The following EPHA6 variants were observed in gnomAD, a reference collection of about 807,000 sequenced individuals.
EPHA6 encodes EPH receptor A6.
Under a neutral mutation model 112.0 loss-of-function variants are expected in EPHA6, and 50 were observed. That is an observed-to-expected ratio of 0.45 (90% CI 0.36 to 0.56). The LOEUF (loss-of-function observed/expected upper bound fraction) is 0.56. EPHA6 is among the 20% of genes least tolerant of loss of function. The pLI, the probability that EPHA6 is intolerant of heterozygous loss-of-function variation, is 0.00. For synonymous variants in EPHA6, 529 were observed against 490.7 expected (o/e 1.08, Z -1.03); for missense variants, 1,280 against 1,417.4 (o/e 0.90, Z 1.56).
At chr3:96,954,143 G>C (rs2041664637) in intron 2 of EPHA6, among the ~76,000 whole-genome samples, 1 of 152,016 alleles carries the variant, frequency 6.6e-6, no homozygotes, top group Admixed American at 6.6e-5. Context: ...CAAAGTGCTG[G>C]GATTACGGGT....
At chr3:97,149,176 AG>A (rs747057291) in intron 3 of EPHA6, among the ~76,000 whole-genome samples, 10 of 152,232 alleles carry the variant, frequency 6.6e-5, no homozygotes, top group Middle Eastern at 3.4e-3. Context: ...AACTGTCACT[AG>A]GTTACAGTGC....
rs921921816 is a variant in EPHA6 at position 97,755,707 on chromosome 3, T to C, written c.*7006T>C. Among the ~76,000 whole-genome samples the C allele has an allele frequency of 1.3e-5, 2 of 152,150 alleles. No individual in the cohort carries two copies. The highest frequency in any genetic ancestry group is 6.5e-5 in the Admixed American group (1 of 15,282). ...AGGTATTAGTAACTGAGGATAGATATCTTTGTTTCATGAGTTCAATATGAG... is the reference window on the plus strand; with the variant it reads ...AGGTATTAGTAACTGAGGATAGATACCTTTGTTTCATGAGTTCAATATGAG... On this transcript the variant is annotated 3_prime_UTR_variant, in exon 18 of 18. Coordinates refer to ENST00000389672, the MANE Select transcript of EPHA6 (RefSeq NM_001080448.3).
chr3:97,411,845 T>G (rs1218889778), intron 6 of EPHA6, among the ~76,000 whole-genome samples: 1 of 152,078 alleles, frequency 6.6e-6, no homozygotes, highest in African/African-American at 2.4e-5. Context: ...GAAGTGTGAT[T>G]AAGCAAAGGG....
intron 11 of EPHA6, among the ~76,000 whole-genome samples, chr3:97,545,633 T>C (rs1290837275): frequency 6.6e-6 from 1 of 152,166 alleles, no homozygotes; most frequent in African/African-American, 2.4e-5. Context: ...TAACTTTCTG[T>C]CTCGTTTATC....
intron 7 of EPHA6, among the ~76,000 whole-genome samples, chr3:97,469,841 G>C (rs1205031437): frequency 6.6e-6 from 1 of 151,626 alleles, no homozygotes; most frequent in South Asian, 2.1e-4. Flanking sequence ...CTGTGGAAAG[G>C]CAACCTAATA....
intron 14 of EPHA6, among the ~76,000 whole-genome samples, chr3:97,642,701 T>C (rs576093165): frequency 0.013 from 1,985 of 151,460 alleles, 39 homozygotes; most frequent in African/African-American, 0.045. Flanking sequence ...CAATGGAAGA[T>C]GAAATGAATG....
chr3:97,521,052 C>CT (rs2092534378), intron 10 of EPHA6, among the ~76,000 whole-genome samples: 1 of 151,480 alleles, frequency 6.6e-6, no homozygotes, highest in Non-Finnish European at 1.5e-5. Context: ...CTGCTTGGTT[C>CT]TTTTTTTATA....
At chr3:97,744,649 G>A (rs1420205174) in intron 16 of EPHA6, among the ~76,000 whole-genome samples, 6 of 151,824 alleles carry the variant, frequency 4.0e-5, no homozygotes, top group Admixed American at 3.9e-4. Flanking sequence ...TTCAACAAGG[G>A]AAATAGGCTA....
At chr3:97,095,625 T>C (rs147884260) in intron 3 of EPHA6, among the ~76,000 whole-genome samples, 331 of 152,140 alleles carry the variant, frequency 2.2e-3, no homozygotes, top group African/African-American at 7.6e-3. Flanking sequence ...CCACATTTCC[T>C]ACCCTGCTTT....
intron 3 of EPHA6, among the ~76,000 whole-genome samples, chr3:97,040,463 TC>T (rs1396468959): frequency 6.6e-6 from 1 of 152,004 alleles, no homozygotes; most frequent in Non-Finnish European, 1.5e-5. Context: ...AGATAATAGA[TC>T]TTTATTAAGG....
chr3:97,315,670 C>G (rs974316425), intron 5 of EPHA6, among the ~76,000 whole-genome samples: 1 of 151,676 alleles, frequency 6.6e-6, no homozygotes, highest in Non-Finnish European at 1.5e-5. Flanking sequence ...GTGAAATTTT[C>G]TTATTGGTGT....
chr3:97,243,896 C>A, intron 4 of EPHA6, 56 bp from the exon 5 acceptor site: 1 of 1,293,864 alleles, frequency 7.7e-7, no homozygotes, highest in Non-Finnish European at 1.1e-6. Flanking sequence ...TTCATTTTAG[C>A]GCCATAATTC....
chr3:97,641,598 G>A (rs538983068), intron 14 of EPHA6, among the ~76,000 whole-genome samples: 1 of 152,256 alleles, frequency 6.6e-6, no homozygotes, highest in African/African-American at 2.4e-5. Flanking sequence ...CCATGCGCGA[G>A]CCGAAGCAGA....
intron 6 of EPHA6, among the ~76,000 whole-genome samples, chr3:97,419,035 T>G (rs2088373442): frequency 6.6e-6 from 1 of 152,198 alleles, no homozygotes; most frequent in Non-Finnish European, 1.5e-5. Flanking sequence ...CCAGGCACTG[T>G]GGCTCACGCC....
chr3:96,842,448 G>C (rs2034807446), intron 1 of EPHA6, among the ~76,000 whole-genome samples: 1 of 152,032 alleles, frequency 6.6e-6, no homozygotes, highest in African/African-American at 2.4e-5. Context: ...TTCCTCTCCA[G>C]ATTATATCCG....
chr3:97,117,029 A>G (rs1251663000), intron 3 of EPHA6, among the ~76,000 whole-genome samples: 1 of 151,696 alleles, frequency 6.6e-6, no homozygotes, highest in East Asian at 1.9e-4. Context: ...CCTTTTAACC[A>G]TATGAAGTAA....
chr3:97,589,082 G>A (rs1034640186), intron 11 of EPHA6, among the ~76,000 whole-genome samples: 1 of 152,008 alleles, frequency 6.6e-6, no homozygotes, highest in Non-Finnish European at 1.5e-5. Context: ...GGCCCAGGAT[G>A]GCTTTGAATG....
In EPHA6 at chr3:97,657,741, T is replaced by C. The variant is rs73849815; in HGVS notation, c.2784+19659T>C. ...GCCTAGGAGTCACCAGAGACACTTA[T>C]TGAAAAATGCAGATTTCCAGTTTCA... is the stretch of plus-strand genomic sequence containing the variant. On this transcript the variant is annotated intron_variant, in intron 14 of 17. Transcript: ENST00000389672. 2.2e-4 allele frequency among the ~76,000 whole-genome samples: 34 copies of C among 151,964 alleles called. No individual in the cohort carries two copies. The South Asian group carries it at 2.7e-3, about 12-fold the overall frequency.
Position 97,448,680 on chromosome 3 carries a change from C to G in EPHA6, c.1844C>G (p.Thr615Arg). The G allele has an allele frequency of 6.2e-7, 1 of 1,613,490 alleles. No homozygotes were observed. Among genetic ancestry groups the G allele is most frequent in the Non-Finnish European group, 8.5e-7 (1 of 1,179,566 alleles). Residue 615 changes from threonine to arginine, a missense_variant, in exon 7 of 18, where the codon ACA (threonine) becomes AGA (arginine). Thr to Arg is a moderately conservative substitution (Grantham distance 71). Transcript: ENST00000389672. Reference sequence around the variant, plus strand: ...TTTCACATCCGAGTGAGAACTGCGACAGGATACAGTGGCTACAGTCAGAAA... The same window carrying G: ...TTTCACATCCGAGTGAGAACTGCGAGAGGATACAGTGGCTACAGTCAGAAA... ...YVFHIRVRTA[T>R]GYSGYSQKFE...
Sources: gnomAD v4.1 joint callset for allele counts (sites outside exome capture counted in the v4.1 genomes callset) on GRCh38, gnomAD v4.1.1 for gene constraint, MANE v1.5 for transcripts, NCBI Gene and HGNC (gene_info 2026-07-23, HGNC 2026-07-21) for gene names.